KLHL29: variants seen among roughly 807,000 people sequenced by gnomAD.
The protein encoded by KLHL29 is kelch like family member 29, also known as kelch-like protein 29.
A neutral mutation model predicts 80.4 loss-of-function variants in KLHL29; 21 were observed. That is an observed-to-expected ratio of 0.26 (90% CI 0.19 to 0.38). KLHL29 has a LOEUF of 0.38. Ranked by LOEUF, KLHL29 falls within the 10% of genes least tolerant of loss-of-function variation. KLHL29 has a pLI of 1.00. For missense variants in KLHL29, 867 were observed against 1,223.9 expected (o/e 0.71, Z 4.35); for synonymous variants, 511 against 526.8 (o/e 0.97, Z 0.41).
intron 3 of KLHL29, among the ~76,000 whole-genome samples, chr2:23,606,936 C>T (rs1482462836): frequency 6.6e-6 from 1 of 152,202 alleles, no homozygotes; most frequent in Non-Finnish European, 1.5e-5. Context: ...AAGGCACCGG[C>T]CAATGTGGTG....
chr2:23,524,498 G>C (rs1382347004), intron 2 of KLHL29, among the ~76,000 whole-genome samples: 2 of 152,254 alleles, frequency 1.3e-5, no homozygotes, highest in Non-Finnish European at 2.9e-5. Flanking sequence ...TGCCAGGGTG[G>C]CCACACGGCT....
intron 3 of KLHL29, among the ~76,000 whole-genome samples, chr2:23,603,240 T>C (rs1215514402): frequency 1.3e-5 from 2 of 152,176 alleles, no homozygotes; most frequent in Non-Finnish European, 2.9e-5. Context: ...CTGTAGCTGC[T>C]GGAGCCAGAA....
In KLHL29 at chr2:23,581,742, C is replaced by T. The variant is rs140193975; in HGVS notation, c.285+19261C>T. ...ACTTGGGAGGCTGAGGCAGGAGAATCGCTTGAACCCGGGAGGTGGAGGTTG... is the reference window on the plus strand; with the variant it reads ...ACTTGGGAGGCTGAGGCAGGAGAATTGCTTGAACCCGGGAGGTGGAGGTTG... On this transcript the variant is annotated intron_variant, in intron 3 of 13. Transcript: ENST00000486442. Among the ~76,000 whole-genome samples the T allele has an allele frequency of 2.8e-5, 4 of 143,278 alleles. No homozygotes were observed. In the East Asian group the frequency reaches 8.5e-4, roughly 30 times the overall value. 94.0% of individuals were successfully genotyped at this position (143,278 alleles called of 152,430 possible).
intron 1 of KLHL29, among the ~76,000 whole-genome samples, chr2:23,421,504 G>A (rs1008742256): frequency 6.6e-6 from 1 of 151,304 alleles, no homozygotes; most frequent in African/African-American, 2.4e-5. Flanking sequence ...TGAATGTCAG[G>A]AAGGAAGGTT....
At chr2:23,439,866 T>C (rs1179688235) in intron 1 of KLHL29, among the ~76,000 whole-genome samples, 4 of 151,924 alleles carry the variant, frequency 2.6e-5, no homozygotes, top group African/African-American at 9.7e-5. Context: ...TGGGTATCCT[T>C]GTTAACTTTC....
At chr2:23,421,792 C>G (rs1015746970) in intron 1 of KLHL29, among the ~76,000 whole-genome samples, 15 of 149,438 alleles carry the variant, frequency 1.0e-4, no homozygotes, top group Non-Finnish European at 1.2e-4. Context: ...GTTCATACAT[C>G]TGTGTGTGTG....
At chr2:23,635,582 A>G (rs527348594) in intron 3 of KLHL29, among the ~76,000 whole-genome samples, 7 of 152,368 alleles carry the variant, frequency 4.6e-5, no homozygotes, top group African/African-American at 1.7e-4. Flanking sequence ...GTCAGCTGCC[A>G]TAAAACTGTG....
chr2:23,537,002 C>G (rs527803480), intron 2 of KLHL29, among the ~76,000 whole-genome samples: 2 of 151,760 alleles, frequency 1.3e-5, no homozygotes, highest in East Asian at 3.9e-4. Flanking sequence ...TGTTCTGGAC[C>G]TGCTGGCATC....
At chr2:23,641,202 G>A (rs560803144) in intron 4 of KLHL29, among the ~76,000 whole-genome samples, 28 of 152,218 alleles carry the variant, frequency 1.8e-4, no homozygotes, top group South Asian at 1.0e-3. Flanking sequence ...AGGTCACCCC[G>A]CCTGGCACAG....
chr2:23,449,765 T>A (rs1422001559), intron 1 of KLHL29, among the ~76,000 whole-genome samples: 2 of 152,116 alleles, frequency 1.3e-5, no homozygotes, highest in African/African-American at 4.8e-5. Context: ...TTAGGCACAA[T>A]GTTTAACCTC....
At chr2:23,448,153 T>G (rs551941794) in intron 1 of KLHL29, among the ~76,000 whole-genome samples, 110 of 152,218 alleles carry the variant, frequency 7.2e-4, no homozygotes, top group Middle Eastern at 6.8e-3. Flanking sequence ...CCACAGGACG[T>G]GTGAGAAGAC....
intron 2 of KLHL29, among the ~76,000 whole-genome samples, chr2:23,487,384 T>A (rs1318273906): frequency 6.6e-6 from 1 of 152,174 alleles, no homozygotes; most frequent in African/African-American, 2.4e-5. Flanking sequence ...AATTTCCATC[T>A]TCTAATAGGC....
rs566866935 is a variant in KLHL29 at position 23,449,570 on chromosome 2, T to C, written c.-153-25990T>C. On this transcript the variant is annotated intron_variant, in intron 1 of 13. Transcript: ENST00000486442. ...AGTAGGCTGGTTTCTCATCCTCCAA[T>C]AGTCCAGCCAGTGTGTTCTTATAGC... 1.5e-4 allele frequency among the ~76,000 whole-genome samples: 23 copies of C among 152,212 alleles called. No individual in the cohort carries two copies. In the South Asian group the frequency reaches 4.6e-3, roughly 30 times the overall value.
At chr2:23,403,316 A>G (rs1666640458) in intron 1 of KLHL29, among the ~76,000 whole-genome samples, 1 of 152,224 alleles carries the variant, frequency 6.6e-6, no homozygotes, top group African/African-American at 2.4e-5. Flanking sequence ...GCCGCCATGT[A>G]GAAGAAATTT....
intron 5 of KLHL29, among the ~76,000 whole-genome samples, chr2:23,670,820 C>T (rs1193469469): frequency 2.6e-5 from 4 of 151,724 alleles, no homozygotes; most frequent in Admixed American, 2.6e-4. Flanking sequence ...CCCAGAGAAC[C>T]AGGGGCAGAC....
intron 13 of KLHL29, among the ~76,000 whole-genome samples, chr2:23,704,803 G>A (rs981257091): frequency 3.9e-5 from 6 of 152,210 alleles, no homozygotes; most frequent in African/African-American, 1.4e-4. Flanking sequence ...TCATTGTCAG[G>A]ACTCCCATAG....
At chr2:23,572,700 CTTTT>C (rs67663284) in intron 3 of KLHL29, among the ~76,000 whole-genome samples, 3 of 136,838 alleles carry the variant, frequency 2.2e-5, no homozygotes, top group Non-Finnish European at 1.6e-5. Context: ...ACAGTGATTT[CTTTT>C]TTTTTTTTTT....
At chr2:23,424,166 T>C (rs1662939418) in intron 1 of KLHL29, among the ~76,000 whole-genome samples, 1 of 152,240 alleles carries the variant, frequency 6.6e-6, no homozygotes, top group Non-Finnish European at 1.5e-5. Flanking sequence ...TGGGGCTTAC[T>C]GCTATCAAAG....
intron 3 of KLHL29, among the ~76,000 whole-genome samples, chr2:23,568,923 A>G (rs917754430): frequency 5.3e-5 from 8 of 152,200 alleles, no homozygotes; most frequent in African/African-American, 1.9e-4. Flanking sequence ...ACGTACATCT[A>G]TCTACTCAGA....
Sources: allele counts gnomAD v4.1 joint callset (sites outside exome capture counted in the v4.1 genomes callset), GRCh38; gene constraint gnomAD v4.1.1; transcripts MANE v1.5; gene names NCBI Gene and HGNC (gene_info 2026-07-23, HGNC 2026-07-21).